Variants in MEGF11 observed in about 807,000 individuals in gnomAD.
MEGF11 encodes multiple EGF like domains 11.
MEGF11 carries 126 observed loss-of-function variants against 146.6 expected under a neutral mutation model. The observed-to-expected ratio is 0.86, with a 90% CI of 0.74 to 1.00. The LOEUF (loss-of-function observed/expected upper bound fraction) is 1.00. Among genes scored for constraint, MEGF11 ranks in the 50% least tolerant of loss-of-function variants. The pLI is 0.00. For missense variants in MEGF11, 1,509 were observed against 1,521.2 expected, an observed-to-expected ratio of 0.99 and a Z score of 0.13; for synonymous variants, 532 against 583.4, an observed-to-expected ratio of 0.91 and a Z score of 1.27.
chr15:66,206,071 G>C (rs11634401), intron 1 of MEGF11, among the ~76,000 whole-genome samples: 1 of 152,100 alleles, frequency 6.6e-6, no homozygotes, highest in Non-Finnish European at 1.5e-5. Context: ...ACAAATGAAC[G>C]AAACAAAAAA....
chr15:65,964,794 C>T, intron 9 of MEGF11, 114 bp downstream of exon 9: 3 of 1,032,566 alleles, frequency 2.9e-6, no homozygotes, highest in Middle Eastern at 3.2e-4. Flanking sequence ...CTAGCCCTTT[C>T]CCCCACCTGC....
rs997650629 is a variant in MEGF11, at chr15:66,214,129, G to A, written c.-9+39476C>T. ...TGGCTCACTGCAACCTCTGCCTCCC[G>A]GGTTCAAGTGATTCTCTTGCCTCAG... On this transcript the variant is annotated intron_variant, in intron 1 of 25. Coordinates refer to ENST00000395614, the MANE Select transcript of MEGF11 (RefSeq NM_001385028.1). Among the ~76,000 whole-genome samples the A allele has an allele frequency of 8.1e-5, 12 of 148,702 alleles. No individual in the cohort carries two copies. The East Asian group carries it at 8.4e-4, about 10-fold the overall frequency.
At chr15:66,144,958 G>A (rs2089309048) in intron 1 of MEGF11, among the ~76,000 whole-genome samples, 1 of 152,224 alleles carries the variant, frequency 6.6e-6, no homozygotes, top group Non-Finnish European at 1.5e-5. Flanking sequence ...TCCACTGTAA[G>A]CCCCATTATA....
intron 5 of MEGF11, among the ~76,000 whole-genome samples, chr15:66,001,397 A>T (rs2082362869): frequency 6.6e-6 from 1 of 152,116 alleles, no homozygotes; most frequent in African/African-American, 2.4e-5. Context: ...AAGGATTGGG[A>T]GCCCCTCAGG....
At chr15:66,048,823 C>T (rs1011603631) in intron 5 of MEGF11, among the ~76,000 whole-genome samples, 1 of 152,144 alleles carries the variant, frequency 6.6e-6, no homozygotes, top group Non-Finnish European at 1.5e-5. Flanking sequence ...TAACGCTATC[C>T]CCTTGTAGAA....
In MEGF11 at chr15:66,150,866, G is replaced by GAGAGAT. The variant is rs567593084; in HGVS notation, c.-8-22456_-8-22455insATCTCT. On this transcript the variant is annotated intron_variant, in intron 1 of 25. Coordinates refer to ENST00000395614, the MANE Select transcript of MEGF11 (RefSeq NM_001385028.1). ...AGAGAGAGAGAGAGAGAGAGAGAGA[G>GAGAGAT]AGAGGAAAGAATTTTCCAAGGCCAC... Among the ~76,000 whole-genome samples, 962 of 122,466 alleles carry GAGAGAT rather than the reference G, an allele frequency of 7.9e-3. 23 individuals carry two copies. Among genetic ancestry groups the GAGAGAT allele is most frequent in the Middle Eastern group, 0.013 (3 of 234 alleles). 80.3% of individuals were successfully genotyped at this position (122,466 alleles called of 152,430 possible). A position where few individuals can be genotyped will look rare whatever the true frequency, so the allele number is the denominator to read the frequency against.
At chr15:66,169,544 G>A (rs2090189480) in intron 1 of MEGF11, among the ~76,000 whole-genome samples, 1 of 152,238 alleles carries the variant, frequency 6.6e-6, no homozygotes, top group South Asian at 2.1e-4. Flanking sequence ...CCGCATACTT[G>A]CTGGCTTGCC....
At chr15:65,908,971 G>T (rs2078711279) in intron 23 of MEGF11, 63 bp downstream of exon 23, 1 of 1,049,594 alleles carries the variant, frequency 9.5e-7, no homozygotes, top group Non-Finnish European at 1.4e-6. Context: ...CAGGGATGGG[G>T]ATTAGGGCAG....
chr15:66,183,027 T>C (rs965209210), intron 1 of MEGF11, among the ~76,000 whole-genome samples: 2 of 152,154 alleles, frequency 1.3e-5, no homozygotes, highest in African/African-American at 4.8e-5. Flanking sequence ...AATAACGCGA[T>C]GTTGAGTGAG....
chr15:66,001,133 G>A (rs1283214961), intron 5 of MEGF11, among the ~76,000 whole-genome samples: 1 of 152,168 alleles, frequency 6.6e-6, no homozygotes, highest in East Asian at 1.9e-4. Flanking sequence ...TTAGGATTGG[G>A]AGCAGCCGCC....
intron 1 of MEGF11, among the ~76,000 whole-genome samples, chr15:66,205,554 G>A (rs2091279197): frequency 6.6e-6 from 1 of 152,174 alleles, no homozygotes. Flanking sequence ...GTTGTACAAG[G>A]CACCTCAACA....
chr15:65,945,613 G>A (rs2080161915), intron 10 of MEGF11, among the ~76,000 whole-genome samples: 1 of 152,184 alleles, frequency 6.6e-6, no homozygotes, highest in Non-Finnish European at 1.5e-5. Context: ...ACATGAGATG[G>A]TGTTTATTAT....
intron 1 of MEGF11, among the ~76,000 whole-genome samples, chr15:66,186,337 G>A (rs889967013): frequency 4.6e-5 from 7 of 152,088 alleles, no homozygotes; most frequent in South Asian, 2.1e-4. Flanking sequence ...TGTCTGCCCC[G>A]GGACTGGCCA....
chr15:66,054,978 A>G (rs997802550), intron 5 of MEGF11, among the ~76,000 whole-genome samples: 10 of 152,274 alleles, frequency 6.6e-5, no homozygotes, highest in Non-Finnish European at 1.5e-4. Flanking sequence ...AGAAGCCGGC[A>G]GTAAATTAGA....
At position 66,094,403 on chromosome 15, in the gene MEGF11, G is replaced by T. The variant is rs369433774; in HGVS notation, c.393C>A (p.Ser131Arg). Residue 131 changes from serine (S) to arginine (R), a missense_variant and splice_region_variant, in exon 5 of 26, where the codon AGC becomes AGA. Ser to Arg is a moderately radical substitution (Grantham distance 110). Coordinates refer to ENST00000395614, the MANE Select transcript of MEGF11 (RefSeq NM_001385028.1). ...EPGWGGPDCSSGCDSDHWGPH... is the reference protein window; with the variant it reads ...EPGWGGPDCSRGCDSDHWGPH... ...CTGACCCCCAAACCCCAGACTCACC[G>T]CTGGAGCAGTCGGGCCCTCCCCAGC... 31 of 1,555,588 alleles carry T rather than the reference G, an allele frequency of 2.0e-5. No homozygotes were observed. The highest frequency in any genetic ancestry group is 3.6e-5 in the South Asian group (3 of 84,296).
At chr15:65,958,007 CCTT>C (rs2080720197) in intron 9 of MEGF11, among the ~76,000 whole-genome samples, 1 of 152,162 alleles carries the variant, frequency 6.6e-6, no homozygotes, top group African/African-American at 2.4e-5. Flanking sequence ...CCCACACAAG[CCTT>C]CTTTATAATT....
At chr15:66,008,921 C>T (rs533873958) in intron 5 of MEGF11, among the ~76,000 whole-genome samples, 1 of 152,082 alleles carries the variant, frequency 6.6e-6, no homozygotes, top group Non-Finnish European at 1.5e-5. Context: ...CTCTATCTTA[C>T]AACAGCTCCT....
chr15:65,966,519 A>G (rs2081104252), intron 8 of MEGF11, among the ~76,000 whole-genome samples: 1 of 152,182 alleles, frequency 6.6e-6, no homozygotes, highest in Non-Finnish European at 1.5e-5. Flanking sequence ...ACTGGGAGAC[A>G]TATCTCCTCC....
In MEGF11 at chr15:65,995,256, C is replaced by T. The variant is rs140734973; in HGVS notation, c.395-12768G>A. Among the ~76,000 whole-genome samples the T allele has an allele frequency of 2.4e-4, 37 of 152,334 alleles. No individual in the cohort carries two copies. In the East Asian group the frequency reaches 6.2e-3, roughly 25 times the overall value. ...TGCAGAGGGCCTGGAAAGGCTAGACCACTACTTCCCAAACTCTCCATGGGG... is the reference window on the plus strand; with the variant it reads ...TGCAGAGGGCCTGGAAAGGCTAGACTACTACTTCCCAAACTCTCCATGGGG... On this transcript the variant is annotated intron_variant, in intron 5 of 25. Coordinates refer to ENST00000395614, the MANE Select transcript of MEGF11 (RefSeq NM_001385028.1).
Sources: allele counts gnomAD v4.1 joint callset (sites outside exome capture counted in the v4.1 genomes callset), GRCh38; gene constraint gnomAD v4.1.1; transcripts MANE v1.5; gene names NCBI Gene and HGNC (gene_info 2026-07-23, HGNC 2026-07-21).